Variants in CFAP161 observed in about 807,000 individuals in gnomAD.
CFAP161 encodes cilia and flagella associated protein 161, also known as cilia- and flagella-associated protein 161.
In CFAP161, 25 loss-of-function variants were observed where a neutral mutation model predicts 29.0. That is an observed-to-expected ratio of 0.86 (90% CI 0.63 to 1.20). CFAP161 has a LOEUF of 1.20. Ranked by LOEUF, CFAP161 falls within the 50% of genes most tolerant of loss-of-function variation. CFAP161 has a pLI of 0.00. For missense variants in CFAP161, 367 were observed against 371.9 expected, an observed-to-expected ratio of 0.99 and a Z score of 0.11; for synonymous variants, 116 against 137.4, an observed-to-expected ratio of 0.84 and a Z score of 1.09.
In CFAP161 at chr15:81,115,864, T is replaced by G. The variant is rs981683626; in HGVS notation, c.-141-11726T>G. ...TAGCTAATTAATTTTTTTTTTTTTT[T>G]TTTAACAGAGACAGGGTTTCACTAT... On this transcript the variant is annotated intron_variant, in intron 1 of 4. Coordinates refer to the CFAP161 transcript ENST00000560091. Among the ~76,000 whole-genome samples, 8 of 151,790 alleles carry G rather than the reference T, an allele frequency of 5.3e-5. No individual in the cohort carries two copies. In the East Asian group the frequency reaches 1.5e-3, roughly 29 times the overall value.
chr15:81,108,896 G>GA (rs1364146909), intron 1 of CFAP161, among the ~76,000 whole-genome samples: 1 of 151,870 alleles, frequency 6.6e-6, no homozygotes, highest in Non-Finnish European at 1.5e-5. Context: ...ATTAACTGAA[G>GA]AAAAAAGGGT....
intron 4 of CFAP161, among the ~76,000 whole-genome samples, chr15:81,139,590 A>T (rs542952356): frequency 6.6e-6 from 1 of 152,290 alleles, no homozygotes; most frequent in East Asian, 1.9e-4. Flanking sequence ...CATAAGATAT[A>T]ATTGTGTGGC....
upstream of CFAP161, among the ~76,000 whole-genome samples, chr15:81,132,525 A>G (rs1177690285): frequency 1.3e-5 from 2 of 152,208 alleles, no homozygotes; most frequent in Admixed American, 1.3e-4. Flanking sequence ...GAGCACCAAT[A>G]AAGATATTTC....
At chr15:81,144,376 T>C (rs7172781) in intron 5 of CFAP161, among the ~76,000 whole-genome samples, 57,457 of 152,002 alleles carry the variant, frequency 0.38, 14,538 homozygotes, top group African/African-American at 0.72. Flanking sequence ...GGGCGGATCT[T>C]TTGAGGCCAG....
Position 81,137,899 on chromosome 15 carries a change from T to G in CFAP161, c.393-152T>G, listed in dbSNP as rs572919875. 11 of 599,970 alleles carry G rather than the reference T, an allele frequency of 1.8e-5. No homozygotes were observed. The South Asian group carries it at 2.1e-4, about 11-fold the overall frequency. The allele number at this position is 599,970 out of a possible 1,614,324, so 37.2% of individuals were successfully genotyped here. A position where few individuals can be genotyped will look rare whatever the true frequency, so the allele number is the denominator to read the frequency against. On this transcript the variant is annotated intron_variant, in intron 3 of 6. Transcript: ENST00000286732. ...GATTTTAAGACCAAAAGAAAACACC[T>G]TTTATTTAATTACCTAATTCAGTTA...
chr15:81,145,129 C>A (rs1402538659), intron 5 of CFAP161, among the ~76,000 whole-genome samples: 1 of 152,196 alleles, frequency 6.6e-6, no homozygotes, highest in African/African-American at 2.4e-5. Flanking sequence ...TGCTACTGGC[C>A]AGGAAGTGGC....
intron 1 of CFAP161, among the ~76,000 whole-genome samples, chr15:81,106,206 A>C (rs1407140708): frequency 6.6e-6 from 1 of 152,240 alleles, no homozygotes; most frequent in Admixed American, 6.5e-5. Flanking sequence ...ATTCAAATAG[A>C]GTTAAAAGCA....
intron 1 of CFAP161, among the ~76,000 whole-genome samples, chr15:81,115,706 G>T (rs546535977): frequency 1.3e-5 from 2 of 151,930 alleles, no homozygotes; most frequent in African/African-American, 4.8e-5. Context: ...TTTGAGACAG[G>T]GCTCACTCTG....
At chr15:81,147,968 G>C in intron 6 of CFAP161, 37 bp downstream of exon 6, 1 of 1,496,140 alleles carries the variant, frequency 6.7e-7, no homozygotes, top group Non-Finnish European at 9.2e-7. Flanking sequence ...TGCTGTGATT[G>C]GGGCTGGGGG....
intron 1 of CFAP161, among the ~76,000 whole-genome samples, chr15:81,108,195 T>C (rs910845055): frequency 2.6e-5 from 4 of 152,236 alleles, no homozygotes; most frequent in African/African-American, 4.8e-5. Context: ...ATTGCATTGC[T>C]TCCAAACCTT....
intron 4 of CFAP161, among the ~76,000 whole-genome samples, chr15:81,142,126 T>G (rs11072990): frequency 6.6e-6 from 1 of 151,750 alleles, no homozygotes; most frequent in African/African-American, 2.4e-5. Context: ...GTTCCTAGGC[T>G]CTTTTCTCCC....
intron 1 of CFAP161, among the ~76,000 whole-genome samples, chr15:81,114,143 C>T (rs1894468709): frequency 6.6e-6 from 1 of 152,132 alleles, no homozygotes; most frequent in Non-Finnish European, 1.5e-5. Context: ...GCTGCTACAA[C>T]ATACAGGCAT....
At position 81,120,247 on chromosome 15, in the gene CFAP161, A is replaced by G. The variant is rs1894555084; in HGVS notation, c.-141-7343A>G. 2.6e-5 allele frequency among the ~76,000 whole-genome samples: 4 copies of G among 152,216 alleles called. No homozygotes were observed. In the South Asian group the frequency reaches 6.2e-4, roughly 24 times the overall value. On this transcript the variant is annotated intron_variant, in intron 1 of 4. Transcript: ENST00000560091. ...ATATCCTGGATTATGACTGTATGCTATGTTATAGAGAAATGTAAACAAGAA... is the reference window on the plus strand; with the variant it reads ...ATATCCTGGATTATGACTGTATGCTGTGTTATAGAGAAATGTAAACAAGAA...
rs1473691591 is a variant in CFAP161, at chr15:81,118,758, A to G, written c.-141-8832A>G. Among the ~76,000 whole-genome samples, 3 of 152,246 alleles carry G rather than the reference A, an allele frequency of 2.0e-5. No individual in the cohort carries two copies. In the East Asian group the frequency reaches 5.8e-4, roughly 29 times the overall value. On this transcript the variant is annotated intron_variant, in intron 1 of 4. Coordinates refer to the CFAP161 transcript ENST00000560091. Reference sequence around the variant, plus strand: ...AGCTGAGGCCCGCCCCAAACCACCCAAGAGAGAATGTATTTTTATTGAACT... The same window carrying G: ...AGCTGAGGCCCGCCCCAAACCACCCGAGAGAGAATGTATTTTTATTGAACT...
At chr15:81,105,505 C>A (rs866263503) in intron 1 of CFAP161, among the ~76,000 whole-genome samples, 1 of 151,586 alleles carries the variant, frequency 6.6e-6, no homozygotes, top group Non-Finnish European at 1.5e-5. Context: ...GCAGCCTTGA[C>A]CTGCCAGGCT....
At chr15:81,108,672 A>G (rs1328973757) in intron 1 of CFAP161, among the ~76,000 whole-genome samples, 1 of 152,230 alleles carries the variant, frequency 6.6e-6, no homozygotes, top group Non-Finnish European at 1.5e-5. Flanking sequence ...AGTCTATCAT[A>G]AGACCACCCT....
intron 6 of CFAP161, 66 bp from the exon 7 acceptor site, chr15:81,148,272 A>G (rs1242256206): frequency 1.3e-5 from 19 of 1,439,646 alleles, no homozygotes; most frequent in Non-Finnish European, 1.5e-5. Context: ...AGATTAAATT[A>G]TTAATAACAG....
Position 81,143,743 on chromosome 15 carries a change from G to T in CFAP161, c.559G>T (p.Val187Phe), listed in dbSNP as rs376417842. The stretch of plus-strand genomic sequence containing the variant: ...CCAGGAAGTGTACCTAACAGATGAG[G>T]TCTCCCATGTGAACTGCTGGCAGGC... ...WLQEVYLTDE[V>F]SHVNCWQAAF... Residue 187 changes from valine to phenylalanine, a missense_variant, in exon 5 of 7, where the codon GTC becomes TTC. Physicochemically the swap from Val to Phe is conservative, Grantham distance 50. Coordinates refer to ENST00000286732, the MANE Select transcript of CFAP161 (RefSeq NM_173528.4). The T allele has an allele frequency of 1.2e-6, 2 of 1,614,134 alleles. No individual in the cohort carries two copies. The highest frequency in any genetic ancestry group is 2.2e-5 in the East Asian group (1 of 44,876).
intron 5 of CFAP161, among the ~76,000 whole-genome samples, 191 bp downstream of exon 5, chr15:81,144,011 T>C (rs931088529): frequency 3.9e-5 from 6 of 152,008 alleles, no homozygotes; most frequent in Non-Finnish European, 8.8e-5. Flanking sequence ...CTTTTCTGTC[T>C]CTTTTTTTCC....
Sources: allele counts gnomAD v4.1 joint callset (sites outside exome capture counted in the v4.1 genomes callset), GRCh38; gene constraint gnomAD v4.1.1; transcripts MANE v1.5; gene names NCBI Gene and HGNC (gene_info 2026-07-23, HGNC 2026-07-21).